Variants in DNM3 observed in about 807,000 individuals in gnomAD.
DNM3 encodes the protein dynamin-3.
In DNM3, 47 loss-of-function variants were observed where a neutral mutation model predicts 101.6. That is an observed-to-expected ratio of 0.46 (90% CI 0.37 to 0.59). The LOEUF is 0.59. Among genes scored for constraint, DNM3 ranks in the 20% least tolerant of loss-of-function variants. The pLI, the probability that DNM3 is intolerant of heterozygous loss-of-function variation, is 0.00. For synonymous variants in DNM3, 385 were observed against 387.9 expected (o/e 0.99, Z 0.09); for missense variants, 849 against 1,085.7 (o/e 0.78, Z 3.06).
chr1:172,123,130 T>C (rs1322400602), intron 13 of DNM3, among the ~76,000 whole-genome samples: 2 of 152,124 alleles, frequency 1.3e-5, no homozygotes, highest in Non-Finnish European at 2.9e-5. Flanking sequence ...CATCCAAATG[T>C]AAAAAAGTCA....
At chr1:172,219,377 CAAAAA>C (rs58783160) in intron 14 of DNM3, among the ~76,000 whole-genome samples, 2 of 56,298 alleles carry the variant, frequency 3.6e-5, no homozygotes, top group Non-Finnish European at 6.2e-5. Context: ...TACCCTGTCT[CAAAAA>C]AAAAAAAAAA....
chr1:172,275,215 A>G (rs571219140), intron 15 of DNM3, among the ~76,000 whole-genome samples: 81 of 152,178 alleles, frequency 5.3e-4, no homozygotes, highest in Middle Eastern at 3.4e-3. Flanking sequence ...CATGGTCCAG[A>G]TACTTATTAA....
intron 14 of DNM3, among the ~76,000 whole-genome samples, chr1:172,195,443 G>T (rs2059912016): frequency 6.6e-6 from 1 of 151,780 alleles, no homozygotes; most frequent in Admixed American, 6.6e-5. Context: ...GCATCAGCTA[G>T]AATTTCCAAT....
chr1:172,323,328 G>C lies in DNM3; in HGVS notation c.1882-1G>C. ...TCTTTTCCTTGCGGCTACATGCATA[G>C]GGGAACAACAAAGTAAGTTATTTGT... On this transcript the variant is annotated splice_acceptor_variant, in intron 16 of 20. Transcript: ENST00000627582. LOFTEE classifies it high-confidence loss of function. The C allele has an allele frequency of 6.2e-7, 1 of 1,604,842 alleles. No homozygotes were observed. The highest frequency in any genetic ancestry group is 8.5e-7 in the Non-Finnish European group (1 of 1,175,402).
chr1:171,960,222 A>T (rs2043128644), intron 2 of DNM3, among the ~76,000 whole-genome samples: 1 of 92,994 alleles, frequency 1.1e-5, no homozygotes, highest in Non-Finnish European at 2.4e-5. Flanking sequence ...ATTGCTGACA[A>T]CCACCTGAGG....
intron 1 of DNM3, among the ~76,000 whole-genome samples, chr1:171,882,890 TACTTCTGACATTTAG>T (rs2036411393): frequency 6.6e-6 from 1 of 152,054 alleles, no homozygotes; most frequent in Non-Finnish European, 1.5e-5. Context: ...TGTCCAAGGA[TACTTCTGACATTTAG>T]ACATACTTCC....
intron 15 of DNM3, among the ~76,000 whole-genome samples, chr1:172,270,293 C>A (rs1355627711): frequency 6.7e-6 from 1 of 149,810 alleles, no homozygotes; most frequent in East Asian, 2.0e-4. Flanking sequence ...CCAAACAGCA[C>A]TTGTAACTAT....
At chr1:171,954,277 A>T (rs2042716776) in intron 2 of DNM3, among the ~76,000 whole-genome samples, 1 of 152,164 alleles carries the variant, frequency 6.6e-6, no homozygotes, top group Non-Finnish European at 1.5e-5. Context: ...TTGACTGATG[A>T]TTCCAGCCTG....
In DNM3 at chr1:172,265,773, A is replaced by G. The variant is rs143691849; in HGVS notation, c.1769+12091A>G. 1.5e-3 allele frequency among the ~76,000 whole-genome samples: 228 copies of G among 152,242 alleles called. 2 individuals are homozygous for G. The highest frequency in any genetic ancestry group is 5.2e-3 in the African/African-American group (214 of 41,540). Reference sequence around the variant, plus strand: ...AGGCGTTCAGTTTTAAGGTCATGCTAAGGCCCATTTGGTTCAAGGTATGTC... The same window carrying G: ...AGGCGTTCAGTTTTAAGGTCATGCTGAGGCCCATTTGGTTCAAGGTATGTC... On this transcript the variant is annotated intron_variant, in intron 15 of 20. Coordinates refer to ENST00000627582, the MANE Select transcript of DNM3 (RefSeq NM_015569.5).
At chr1:172,109,344 C>G (rs762288635) in intron 13 of DNM3, among the ~76,000 whole-genome samples, 3 of 152,164 alleles carry the variant, frequency 2.0e-5, no homozygotes, top group African/African-American at 4.8e-5. Flanking sequence ...TTTGGGAACT[C>G]AACTATCTAT....
chr1:172,166,209 A>G (rs1209228849), intron 14 of DNM3, among the ~76,000 whole-genome samples: 1 of 152,070 alleles, frequency 6.6e-6, no homozygotes, highest in Non-Finnish European at 1.5e-5. Flanking sequence ...AATGCTCAAT[A>G]TATGTGTGCT....
chr1:171,986,719 C>A (rs933086896), intron 2 of DNM3, among the ~76,000 whole-genome samples: 2 of 151,828 alleles, frequency 1.3e-5, no homozygotes, highest in Non-Finnish European at 2.9e-5. Flanking sequence ...CAGCCTCGAC[C>A]TCACAGGCTC....
chr1:171,868,354 T>A (rs1203776374), intron 1 of DNM3, among the ~76,000 whole-genome samples: 1 of 152,086 alleles, frequency 6.6e-6, no homozygotes, highest in Non-Finnish European at 1.5e-5. Flanking sequence ...CAGGCATTCA[T>A]CTTCTCTGTG....
intron 20 of DNM3, among the ~76,000 whole-genome samples, chr1:172,394,946 T>G (rs1453277041): frequency 5.3e-5 from 8 of 152,210 alleles, no homozygotes; most frequent in Non-Finnish European, 8.8e-5. Context: ...GTACTTCTAT[T>G]TCATCACTGC....
At chr1:172,152,002 C>T (rs1395501972) in intron 14 of DNM3, among the ~76,000 whole-genome samples, 1 of 152,048 alleles carries the variant, frequency 6.6e-6, no homozygotes, top group Non-Finnish European at 1.5e-5. Context: ...CTCAGCCTCC[C>T]AAGTAGCTGG....
chr1:171,931,963 C>T (rs546754504), intron 2 of DNM3, among the ~76,000 whole-genome samples: 1 of 151,256 alleles, frequency 6.6e-6, no homozygotes, highest in African/African-American at 2.4e-5. Context: ...ATCCAAGGAC[C>T]ATAATGTATC....
rs757826790 is a variant in DNM3, at chr1:172,408,547, G to A, written c.*706G>A. 1 of 985,242 alleles carries A rather than the reference G, an allele frequency of 1.0e-6. No homozygotes were observed. Among genetic ancestry groups the A allele is most frequent in the Non-Finnish European group, 1.2e-6 (1 of 829,844 alleles). 61.0% of individuals were successfully genotyped at this position (985,242 alleles called of 1,614,324 possible). The stretch of plus-strand genomic sequence containing the variant: ...TTTTGTTAATCAGTCAATAAATTTG[G>A]CTAATTAGTTTCAGAGTTCAAGGAA... On this transcript the variant is annotated 3_prime_UTR_variant, in exon 21 of 21. Transcript: ENST00000627582.
intron 14 of DNM3, among the ~76,000 whole-genome samples, chr1:172,189,768 G>A (rs2059641189): frequency 6.6e-6 from 1 of 151,978 alleles, no homozygotes. Flanking sequence ...AGGGTCTCAG[G>A]AAGCTTACCA....
At chr1:172,156,335 A>T (rs1572755176) in intron 14 of DNM3, among the ~76,000 whole-genome samples, 1 of 152,196 alleles carries the variant, frequency 6.6e-6, no homozygotes, top group East Asian at 1.9e-4. Flanking sequence ...CTCCATCCCC[A>T]TCCTATCCTA....
Sources: gnomAD v4.1 joint callset for allele counts (sites outside exome capture counted in the v4.1 genomes callset) on GRCh38, gnomAD v4.1.1 for gene constraint, MANE v1.5 for transcripts, NCBI Gene and HGNC (gene_info 2026-07-23, HGNC 2026-07-21) for gene names.